Variants in CLTCL1 observed in about 807,000 individuals in gnomAD.
CLTCL1 encodes the protein clathrin heavy chain 2.
Under a neutral mutation model 190.0 loss-of-function variants are expected in CLTCL1, and 159 were observed. The ratio of observed to expected loss-of-function variants is 0.84; its 90% CI spans 0.74 to 0.95. CLTCL1 has a LOEUF of 0.95. CLTCL1 is among the 40% of genes least tolerant of loss of function. The pLI is 0.00. For missense variants in CLTCL1, 1,878 were observed against 2,033.4 expected (o/e 0.92, Z 1.47); for synonymous variants, 752 against 769.6 (o/e 0.98, Z 0.38).
chr22:19,222,909 G>C, intron 14 of CLTCL1, 100 bp from the exon 15 acceptor site: 2 of 1,417,600 alleles, frequency 1.4e-6, no homozygotes, highest in Non-Finnish European at 1.9e-6. Flanking sequence ...CTCTGCAGCA[G>C]AGTGACACAC....
intron 15 of CLTCL1, among the ~76,000 whole-genome samples, 182 bp downstream of exon 15, chr22:19,222,502 G>A (rs1401102699): frequency 2.0e-5 from 3 of 152,176 alleles, no homozygotes; most frequent in African/African-American, 4.8e-5. Flanking sequence ...AGAAATAAAT[G>A]TGTGTTGTTT....
intron 5 of CLTCL1, among the ~76,000 whole-genome samples, 179 bp from the exon 6 acceptor site, chr22:19,236,048 C>A (rs1454651365): frequency 6.6e-6 from 1 of 152,146 alleles, no homozygotes; most frequent in African/African-American, 2.4e-5. Context: ...CAACTTCCGA[C>A]CTCTGGGCTC....
intron 3 of CLTCL1, among the ~76,000 whole-genome samples, chr22:19,243,227 T>C (rs2086310448): frequency 6.6e-6 from 1 of 152,194 alleles, no homozygotes; most frequent in South Asian, 2.1e-4. Context: ...TCGTGCACTT[T>C]GGAGGAAAAA....
At chr22:19,216,682 C>T (rs568137132) in intron 18 of CLTCL1, among the ~76,000 whole-genome samples, 9 of 152,344 alleles carry the variant, frequency 5.9e-5, no homozygotes, top group South Asian at 4.1e-4. Flanking sequence ...TGTGGAGCCA[C>T]GTGCCTTCAC....
intron 1 of CLTCL1, among the ~76,000 whole-genome samples, chr22:19,282,360 G>C (rs371427307): frequency 4.3e-4 from 64 of 149,198 alleles, no homozygotes; most frequent in African/African-American, 1.5e-3. Context: ...CAATGGGTTC[G>C]GGCGCAGTGG....
chr22:19,229,815 G>A, intron 11 of CLTCL1, 23 bp downstream of exon 11: 3 of 1,586,506 alleles, frequency 1.9e-6, no homozygotes, highest in Non-Finnish European at 2.6e-6. Context: ...CTGCCTCTCG[G>A]TGTTAGCCTA....
chr22:19,180,902 A>ACTGTCATTCTCCT, intron 30 of CLTCL1, 96 bp from the exon 31 acceptor site: 1 of 1,052,616 alleles, frequency 9.5e-7, no homozygotes, highest in Non-Finnish European at 1.5e-6. Context: ...CAGGGCCTCC[A>ACTGTCATTCTCCT]GGAGAATGAC....
intron 1 of CLTCL1, among the ~76,000 whole-genome samples, chr22:19,284,156 A>G (rs1357084965): frequency 6.6e-6 from 1 of 152,210 alleles, no homozygotes; most frequent in Admixed American, 6.5e-5. Context: ...TCAACTGCCT[A>G]CATCAGTGAA....
intron 18 of CLTCL1, among the ~76,000 whole-genome samples, chr22:19,218,188 G>A (rs1012880113): frequency 3.3e-5 from 5 of 152,318 alleles, no homozygotes; most frequent in South Asian, 4.1e-4. Flanking sequence ...AGAGGCCCCC[G>A]CTGGCTCCGG....
At chr22:19,200,390 T>C (rs189117962) in intron 23 of CLTCL1, among the ~76,000 whole-genome samples, 4 of 152,366 alleles carry the variant, frequency 2.6e-5, no homozygotes, top group Admixed American at 6.5e-5. Context: ...GTGTGATGCA[T>C]ACACCAGCAC....
At chr22:19,200,566 C>G (rs1289020983) in intron 23 of CLTCL1, among the ~76,000 whole-genome samples, 1 of 152,186 alleles carries the variant, frequency 6.6e-6, no homozygotes, top group Non-Finnish European at 1.5e-5. Flanking sequence ...CTTGGCCGGG[C>G]GCAGTGGCTC....
At chr22:19,278,335 G>A (rs1000457159) in intron 1 of CLTCL1, among the ~76,000 whole-genome samples, 2 of 152,088 alleles carry the variant, frequency 1.3e-5, no homozygotes, top group Admixed American at 1.3e-4. Context: ...GGTCATTTGT[G>A]GCAGGCGAAG....
At chr22:19,245,538 A>G (rs1312517050) in intron 3 of CLTCL1, among the ~76,000 whole-genome samples, 6 of 152,082 alleles carry the variant, frequency 3.9e-5, no homozygotes, top group Non-Finnish European at 5.9e-5. Flanking sequence ...AACAAAATGA[A>G]CCATTTTAAA....
chr22:19,183,406 C>T lies in CLTCL1; in HGVS notation c.4811G>A (p.Arg1604Lys), dbSNP rs782435776. 1.6e-5 allele frequency: 26 copies of T among 1,613,246 alleles called. No individual in the cohort carries two copies. In the South Asian group the frequency reaches 2.4e-4, roughly 15 times the overall value. Residue 1604 changes from arginine (R) to lysine (K), a missense_variant, in exon 30 of 33, where the codon AGG becomes AAG. Physicochemically the swap from Arg to Lys is conservative, Grantham distance 26 (BLOSUM62 2). Coordinates refer to ENST00000427926, the MANE Select transcript of CLTCL1 (RefSeq NM_007098.4). The part of the protein sequence containing the change: ...LAMPYFIQVM[R>K]EYLSKVDKLD... ...GGCACCTACCTTGCTCAGGTACTCC[C>T]TCATCACCTGGATGAAGTAGGGCAT...
chr22:19,187,407 A>G (rs2084348148), intron 29 of CLTCL1, 151 bp downstream of exon 29: 1 of 703,782 alleles, frequency 1.4e-6, no homozygotes, highest in Admixed American at 2.8e-5. Flanking sequence ...ATGGTCTCCC[A>G]TTAATACTAA....
chr22:19,186,481 C>T (rs917527379), intron 29 of CLTCL1, among the ~76,000 whole-genome samples: 1 of 152,304 alleles, frequency 6.6e-6, no homozygotes, highest in African/African-American at 2.4e-5. Flanking sequence ...AGAAAAAACA[C>T]AGTTTCTTTT....
At chr22:19,212,907 T>C (rs1555947692) in intron 19 of CLTCL1, among the ~76,000 whole-genome samples, 1 of 152,196 alleles carries the variant, frequency 6.6e-6, no homozygotes, top group Non-Finnish European at 1.5e-5. Flanking sequence ...AAAATCTCTG[T>C]GACCTGGGAG....
chr22:19,243,888 G>A (rs201186144), intron 3 of CLTCL1, among the ~76,000 whole-genome samples: 12 of 151,776 alleles, frequency 7.9e-5, no homozygotes, highest in African/African-American at 2.2e-4. Context: ...TAGTAGAGAC[G>A]GGGTTTCACC....
chr22:19,209,381 C>T (rs539827510), intron 20 of CLTCL1: 55 of 348,908 alleles, frequency 1.6e-4, no homozygotes, highest in African/African-American at 7.4e-4. Context: ...CTTTCTGGGC[C>T]GGGGGTAGGA....
Sources: gnomAD v4.1 joint callset for allele counts (sites outside exome capture counted in the v4.1 genomes callset) on GRCh38, gnomAD v4.1.1 for gene constraint, MANE v1.5 for transcripts, NCBI Gene and HGNC (gene_info 2026-07-23, HGNC 2026-07-21) for gene names.